The following SERPINB7 variants were observed in gnomAD, a reference collection of about 807,000 sequenced individuals.
The protein encoded by SERPINB7 is serpin family B member 7.
Under a neutral mutation model 37.4 loss-of-function variants are expected in SERPINB7, and 31 were observed. That is an observed-to-expected ratio of 0.83 (90% CI 0.62 to 1.12). The LOEUF (loss-of-function observed/expected upper bound fraction) is 1.12. Among genes scored for constraint, SERPINB7 ranks in the 50% most tolerant of loss-of-function variants. The pLI, the probability that SERPINB7 is intolerant of heterozygous loss-of-function variation, is 0.00. For synonymous variants in SERPINB7, 163 were observed against 166.1 expected (o/e 0.98, Z 0.14); for missense variants, 521 against 455.3 (o/e 1.14, Z -1.31).
chr18:63,760,216 G>A (rs765340872), intron 1 of SERPINB7, among the ~76,000 whole-genome samples: 42 of 152,206 alleles, frequency 2.8e-4, no homozygotes, highest in Non-Finnish European at 5.7e-4. Context: ...GGGAACTGGA[G>A]CAAAGGTGAC....
Position 63,782,971 on chromosome 18 carries a change from T to A in SERPINB7, c.168+431T>A, listed in dbSNP as rs1001261664. ...GGCTAACACGGTGAAACCCCGTCTC[T>A]ACTAAAAATACAAAAAATTAGCCGG... On this transcript the variant is annotated intron_variant, in intron 2 of 7. Transcript: ENST00000398019. Among the ~76,000 whole-genome samples the A allele has an allele frequency of 2.6e-5, 4 of 151,672 alleles. No homozygotes were observed. In the South Asian group the frequency reaches 8.4e-4, roughly 32 times the overall value.
intron 1 of SERPINB7, among the ~76,000 whole-genome samples, chr18:63,753,908 T>C (rs2049106181): frequency 1.3e-5 from 2 of 152,236 alleles, no homozygotes; most frequent in African/African-American, 4.8e-5. Flanking sequence ...TATAACTGTC[T>C]TCTACAATGA....
intron 1 of SERPINB7, among the ~76,000 whole-genome samples, chr18:63,779,475 T>G (rs1373971315): frequency 6.6e-6 from 1 of 152,142 alleles, no homozygotes; most frequent in African/African-American, 2.4e-5. Context: ...TTATGTGAAA[T>G]GGAACATACT....
chr18:63,764,252 T>C (rs1279198773), intron 1 of SERPINB7, among the ~76,000 whole-genome samples: 1 of 152,236 alleles, frequency 6.6e-6, no homozygotes, highest in African/African-American at 2.4e-5. Context: ...TTTGGTTTGC[T>C]AAACTAAGAA....
chr18:63,789,082 G>A (rs769049530), intron 2 of SERPINB7, among the ~76,000 whole-genome samples: 1 of 152,168 alleles, frequency 6.6e-6, no homozygotes, highest in Non-Finnish European at 1.5e-5. Context: ...TTATATAAAT[G>A]TACATAGCCA....
chr18:63,792,539 G>C, intron 3 of SERPINB7, 96 bp downstream of exon 3: 1 of 771,444 alleles, frequency 1.3e-6, no homozygotes, highest in Non-Finnish European at 2.2e-6. Flanking sequence ...GAGGCGGGTG[G>C]ATGACTGGAG....
At chr18:63,777,714 A>ATTTAAAACTATCATGGCCCTAC in intron 1 of SERPINB7, 1 of 148,142 alleles carries the variant, frequency 6.8e-6, no homozygotes, top group African/African-American at 2.5e-5. Context: ...TGGCCATCAT[A>ATTTAAAACTATCATGGCCCTAC]AAAAAAAAAG....
chr18:63,766,765 C>T (rs972194512), intron 1 of SERPINB7, among the ~76,000 whole-genome samples: 4 of 152,106 alleles, frequency 2.6e-5, no homozygotes, highest in Non-Finnish European at 5.9e-5. Context: ...TGACTTCTTT[C>T]CTGAACTGGA....
At chr18:63,756,383 C>T (rs75188806) in intron 1 of SERPINB7, among the ~76,000 whole-genome samples, 2,445 of 152,250 alleles carry the variant, frequency 0.016, 36 homozygotes, top group Non-Finnish European at 0.027. Context: ...CTGGATATCA[C>T]AGAGTAACTT....
intron 1 of SERPINB7, among the ~76,000 whole-genome samples, chr18:63,780,845 A>G (rs886483131): frequency 2.0e-5 from 3 of 152,186 alleles, no homozygotes; most frequent in Admixed American, 2.0e-4. Flanking sequence ...TTGGAATTCC[A>G]AAGAGCAGAG....
At position 63,760,378 on chromosome 18, in the gene SERPINB7, A is replaced by G. The variant is rs1216177331; in HGVS notation, c.-19+7258A>G. The stretch of plus-strand genomic sequence containing the variant: ...CGAGAGGTGACTTGGGTATTGTTAA[A>G]GGCATTCTGTTTTATAAGGGAAGCA... On this transcript the variant is annotated intron_variant, in intron 1 of 7. Coordinates refer to the SERPINB7 transcript ENST00000336429. Among the ~76,000 whole-genome samples the G allele has an allele frequency of 1.2e-4, 18 of 152,222 alleles. 1 individual carries two copies. The highest frequency in any genetic ancestry group is 1.2e-3 in the Admixed American group (18 of 15,286).
intron 1 of SERPINB7, chr18:63,777,879 G>GAC (rs67119027): frequency 0.12 from 16,269 of 131,092 alleles, 976 homozygotes; most frequent in East Asian, 0.2. Flanking sequence ...TTTGAAAAAA[G>GAC]ACACACACAC....
chr18:63,764,218 T>C (rs1212692711), intron 1 of SERPINB7, among the ~76,000 whole-genome samples: 1 of 152,160 alleles, frequency 6.6e-6, no homozygotes, highest in Non-Finnish European at 1.5e-5. Flanking sequence ...ATATCTTGGG[T>C]AGGATTATGT....
At chr18:63,789,562 A>G (rs1397809525) in intron 2 of SERPINB7, among the ~76,000 whole-genome samples, 1 of 152,188 alleles carries the variant, frequency 6.6e-6, no homozygotes, top group African/African-American at 2.4e-5. Context: ...ATGAAGTCGC[A>G]GCTGCAATAA....
At chr18:63,766,845 T>C (rs1343716649) in intron 1 of SERPINB7, among the ~76,000 whole-genome samples, 1 of 152,174 alleles carries the variant, frequency 6.6e-6, no homozygotes, top group Non-Finnish European at 1.5e-5. Flanking sequence ...TTCAATTCCC[T>C]CTAGTCATCT....
At chr18:63,758,516 A>G (rs2049134371) in intron 1 of SERPINB7, among the ~76,000 whole-genome samples, 2 of 152,188 alleles carry the variant, frequency 1.3e-5, no homozygotes, top group South Asian at 2.1e-4. Flanking sequence ...TCTAAATAAG[A>G]ATAATGTGTC....
At chr18:63,789,013 T>C (rs1170453565) in intron 2 of SERPINB7, among the ~76,000 whole-genome samples, 1 of 152,200 alleles carries the variant, frequency 6.6e-6, no homozygotes, top group Non-Finnish European at 1.5e-5. Context: ...TTGTAATAAG[T>C]AGAAGGTTTA....
intron 5 of SERPINB7, among the ~76,000 whole-genome samples, chr18:63,797,461 C>A (rs140699413): frequency 4.2e-4 from 64 of 152,198 alleles, no homozygotes; most frequent in Admixed American, 1.2e-3. Flanking sequence ...AGGTGGGATT[C>A]TATTTAATAT....
In SERPINB7 at chr18:63,796,394, A is replaced by T. The variant is rs2049489427; in HGVS notation, c.454+11A>T. 7.2e-7 allele frequency: 1 copy of T among 1,392,926 alleles called. No individual in the cohort carries two copies. The highest frequency in any genetic ancestry group is 1.0e-6 in the Non-Finnish European group (1 of 980,498). The allele number at this position is 1,392,926 out of a possible 1,614,324, so 86.3% of individuals were successfully genotyped here. A position where few individuals can be genotyped will look rare whatever the true frequency, so the allele number is the denominator to read the frequency against. ...AAAATGAAACACATGGTGAGTATTGAAATACCCTATTTTTCTACAAGATTT... is the reference window on the plus strand; with the variant it reads ...AAAATGAAACACATGGTGAGTATTGTAATACCCTATTTTTCTACAAGATTT... On this transcript the variant is annotated intron_variant, in intron 5 of 7. Coordinates refer to ENST00000398019, the MANE Select transcript of SERPINB7 (RefSeq NM_003784.4).
Sources: allele counts gnomAD v4.1 joint callset (sites outside exome capture counted in the v4.1 genomes callset), GRCh38; gene constraint gnomAD v4.1.1; transcripts MANE v1.5; gene names NCBI Gene and HGNC (gene_info 2026-07-23, HGNC 2026-07-21).